The following MED17 variants were observed in gnomAD, a reference collection of about 807,000 sequenced individuals.
MED17 encodes mediator of RNA polymerase II transcription subunit 17.
Under a neutral mutation model 80.8 loss-of-function variants are expected in MED17, and 49 were observed. That is an observed-to-expected ratio of 0.61 (90% confidence interval 0.48 to 0.77). The LOEUF (loss-of-function observed/expected upper bound fraction) is 0.77, where lower values mean the gene tolerates loss of function less well. Ranked by LOEUF, MED17 falls within the 30% of genes least tolerant of loss-of-function variation. The probability of loss-of-function intolerance (pLI) is 0.00; values close to 1 mark genes in which losing one functional copy is unlikely to be tolerated. For synonymous variants in MED17, 281 were observed against 280.4 expected (o/e 1.00, Z -0.02); for missense variants, 718 against 787.0 (o/e 0.91, Z 1.05).
In MED17 at chr11:93,784,339, G is replaced by A; in HGVS notation, c.-175G>A. ...GCTTGCGGTGCGTTCTGGGAAAGTTGCTGGGCCAGCTCCTTTGTTTCCAGT... is the reference window on the plus strand; with the variant it reads ...GCTTGCGGTGCGTTCTGGGAAAGTTACTGGGCCAGCTCCTTTGTTTCCAGT... On this transcript the variant is annotated 5_prime_UTR_variant, in exon 1 of 12. Coordinates refer to ENST00000251871, the MANE Select transcript of MED17 (RefSeq NM_004268.5). The A allele has an allele frequency of 1.2e-6, 1 of 835,214 alleles. No homozygotes were observed. Among genetic ancestry groups the A allele is most frequent in the Non-Finnish European group, 1.8e-6 (1 of 558,732 alleles). The allele number at this position is 835,214 out of a possible 1,614,324, so 51.7% of individuals were successfully genotyped here.
intron 5 of MED17, chr11:93,794,583 C>T (rs187366534): frequency 1.0e-5 from 4 of 389,148 alleles, no homozygotes; most frequent in Admixed American, 8.6e-5. Context: ...TAGCTTTGCA[C>T]AGTGGCAGTA....
At chr11:93,804,669 TC>T (rs2135719754) in intron 9 of MED17, among the ~76,000 whole-genome samples, 1 of 152,366 alleles carries the variant, frequency 6.6e-6, no homozygotes, top group African/African-American at 2.4e-5. Context: ...TTGTATGCTT[TC>T]TAGCAACATA....
rs987327512 is a variant in MED17, at chr11:93,784,570, C to T, written c.57C>T (p.Val19=). ...ISIESACEKQ[V]HEVGLDGTET... ...TCGAATCGGCCTGCGAGAAGCAGGT[C>T]CATGAGGTGGGCCTGGATGGCACCG... The change falls in exon 1 of 12, where the codon GTC becomes GTT. Residue 19 remains valine, a synonymous_variant. Coordinates refer to ENST00000251871, the MANE Select transcript of MED17 (RefSeq NM_004268.5). The T allele has an allele frequency of 1.2e-6, 2 of 1,612,434 alleles. No individual in the cohort carries two copies. Among genetic ancestry groups the T allele is most frequent in the Non-Finnish European group, 1.7e-6 (2 of 1,179,840 alleles).
At chr11:93,788,485 T>G (rs1943795215) in intron 2 of MED17, 1 of 261,192 alleles carries the variant, frequency 3.8e-6, no homozygotes, top group African/African-American at 2.3e-5. Context: ...ATCGAGACCA[T>G]CCTGGCTAAT....
chr11:93,796,937 G>C, intron 7 of MED17: 1 of 236,994 alleles, frequency 4.2e-6, no homozygotes, highest in Non-Finnish European at 8.4e-6. Flanking sequence ...CACAGGCCAG[G>C]GTAATTTCAA....
At chr11:93,786,703 G>A (rs1943774640) in intron 1 of MED17, among the ~76,000 whole-genome samples, 1 of 152,070 alleles carries the variant, frequency 6.6e-6, no homozygotes, top group Non-Finnish European at 1.5e-5. Context: ...CCTGATGTCA[G>A]GTGATCCACC....
Position 93,784,930 on chromosome 11 carries a change from C to G in MED17, c.250+167C>G, listed in dbSNP as rs940431562. 4.1e-6 allele frequency: 4 copies of G among 975,138 alleles called. No individual in the cohort carries two copies. In the Admixed American group the frequency reaches 8.1e-5, roughly 20 times the overall value. The allele number at this position is 975,138 out of a possible 1,614,324, so 60.4% of individuals were successfully genotyped here. A position where few individuals can be genotyped will look rare whatever the true frequency, so the allele number is the denominator to read the frequency against. On this transcript the variant is annotated intron_variant, in intron 1 of 11. Transcript: ENST00000251871. ...TCGTCATCTTTTTGTTGCTGCCGGA[C>G]AAGGTAGGACACGACTTTACGTAAT...
rs140602513 is a variant in MED17, at chr11:93,788,032, T to G, written c.282T>G (p.Pro94=). Reference sequence around the variant, plus strand: ...TAAAATTTCAGCCTTCCCTTTGGCCTTGGGACTCAGTGAGGAACAATTTGA... The same window carrying G: ...TAAAATTTCAGCCTTCCCTTTGGCCGTGGGACTCAGTGAGGAACAATTTGA... ...GVVKFQPSLW[P]WDSVRNNLRS... is the part of the protein sequence containing the mutation. The change falls in exon 2 of 12, where the codon CCT becomes CCG. Residue 94 remains proline (P), a synonymous_variant. Coordinates refer to ENST00000251871, the MANE Select transcript of MED17 (RefSeq NM_004268.5). The G allele has an allele frequency of 9.5e-5, 153 of 1,613,956 alleles. No homozygotes were observed. The highest frequency in any genetic ancestry group is 7.9e-5 in the Non-Finnish European group (93 of 1,179,996).
chr11:93,792,424 C>G (rs1036141928), intron 3 of MED17, among the ~76,000 whole-genome samples: 13 of 152,172 alleles, frequency 8.5e-5, no homozygotes, highest in African/African-American at 3.1e-4. Flanking sequence ...TGGGCATTTT[C>G]TTTTCCACAA....
At chr11:93,794,317 G>C in intron 5 of MED17, 1 of 325,650 alleles carries the variant, frequency 3.1e-6, no homozygotes, top group South Asian at 2.8e-5. Context: ...CGATTCTCCT[G>C]CCTCAGCCTC....
intron 10 of MED17, chr11:93,809,109 T>C (rs961539883): frequency 8.7e-5 from 14 of 161,578 alleles, no homozygotes; most frequent in Admixed American, 3.5e-4. Flanking sequence ...GACTTAGTGG[T>C]CACCATTCCT....
Position 93,790,746 on chromosome 11 carries a change from G to A in MED17, c.590G>A (p.Arg197Gln), listed in dbSNP as rs1943826309. The part of the protein sequence containing the change: ...LLRLRQHWKL[R>Q]KVGDKILGDL... ...CGATTACGGCAACACTGGAAACTTC[G>A]AAAAGTTGGAGATAAAATTCTCGGA... is the stretch of plus-strand genomic sequence containing the variant. Residue 197 changes from arginine (R) to glutamine (Q), a missense_variant, in exon 3 of 12, where the codon CGA (arginine) becomes CAA (glutamine). Physicochemically the swap from Arg to Gln is conservative, Grantham distance 43. Coordinates refer to ENST00000251871, the MANE Select transcript of MED17 (RefSeq NM_004268.5). The A allele has an allele frequency of 6.2e-7, 1 of 1,614,206 alleles. No individual in the cohort carries two copies. Among genetic ancestry groups the A allele is most frequent in the Non-Finnish European group, 8.5e-7 (1 of 1,180,032 alleles).
At chr11:93,797,380 C>T in intron 7 of MED17, 155 bp from the exon 8 acceptor site, 1 of 706,134 alleles carries the variant, frequency 1.4e-6, no homozygotes, top group Non-Finnish European at 2.5e-6. Flanking sequence ...TTATGTGTGA[C>T]CTAGTAGTTG....
rs1241610884 is a variant in MED17, at chr11:93,812,336, G to A, written c.*272G>A. On this transcript the variant is annotated 3_prime_UTR_variant, in exon 12 of 12. Transcript: ENST00000251871. ...AGTTTAAAATATTACTAACTTAAGG[G>A]TTTCTATGTGCTTTTTAAAATATTC... 1 of 522,000 alleles carries A rather than the reference G, an allele frequency of 1.9e-6. No individual in the cohort carries two copies. Among genetic ancestry groups the A allele is most frequent in the East Asian group, 3.0e-5 (1 of 33,472 alleles). The allele number at this position is 522,000 out of a possible 1,614,324, so 32.3% of individuals were successfully genotyped here. A position where few individuals can be genotyped will look rare whatever the true frequency, so the allele number is the denominator to read the frequency against.
intron 3 of MED17, among the ~76,000 whole-genome samples, chr11:93,791,604 G>T (rs1943836753): frequency 6.6e-6 from 1 of 152,046 alleles, no homozygotes; most frequent in South Asian, 2.1e-4. Context: ...TACTCAGGAG[G>T]CTGAGGCAGG....
intron 2 of MED17, 47 bp from the exon 3 acceptor site, chr11:93,790,527 T>G: frequency 6.6e-7 from 1 of 1,509,924 alleles, no homozygotes; most frequent in Non-Finnish European, 9.2e-7. Flanking sequence ...AATTTTAGAG[T>G]CATTTAAAAA....
At chr11:93,796,214 A>G (rs1943899429) in intron 6 of MED17, 196 bp from the exon 7 acceptor site, 7 of 549,836 alleles carry the variant, frequency 1.3e-5, no homozygotes, top group Non-Finnish European at 3.3e-6. Flanking sequence ...GCCTCCCAAC[A>G]TGCTGGGATT....
At chr11:93,807,025 A>C (rs537129437) in intron 9 of MED17, 2 of 162,968 alleles carry the variant, frequency 1.2e-5, no homozygotes, top group African/African-American at 4.8e-5. Context: ...ACTGGTACTC[A>C]GTGTGGTCTA....
chr11:93,791,068 A>G (rs931869843), intron 3 of MED17, among the ~76,000 whole-genome samples: 4 of 152,228 alleles, frequency 2.6e-5, no homozygotes, highest in East Asian at 1.9e-4. Context: ...AGATCGCACC[A>G]TTGCTCTCCA....
Sources: allele counts gnomAD v4.1 joint callset (sites outside exome capture counted in the v4.1 genomes callset), GRCh38; gene constraint gnomAD v4.1.1; transcripts MANE v1.5; gene names NCBI Gene and HGNC (gene_info 2026-07-23, HGNC 2026-07-21).